The following RRP12 variants were observed in gnomAD, a reference collection of about 807,000 sequenced individuals.
RRP12 encodes ribosomal RNA processing 12 homolog.
In RRP12, 78 loss-of-function variants were observed where a neutral mutation model predicts 157.3. The ratio of observed to expected loss-of-function variants is 0.50; its 90% CI spans 0.41 to 0.60. The LOEUF (loss-of-function observed/expected upper bound fraction) is 0.60, where lower values mean the gene tolerates loss of function less well. Among genes scored for constraint, RRP12 ranks in the 20% least tolerant of loss-of-function variants. The pLI, the probability that RRP12 is intolerant of heterozygous loss-of-function variation, is 0.00. For missense variants in RRP12, 1,521 were observed against 1,679.9 expected, an observed-to-expected ratio of 0.91 and a Z score of 1.65; for synonymous variants, 726 against 670.9, an observed-to-expected ratio of 1.08 and a Z score of -1.27.
In RRP12 at chr10:97,390,552, C is replaced by G; in HGVS notation, c.637-13G>C. Reference sequence around the variant, plus strand: ...GGCAGGAAAGGACCTGGAAGAAAGTCAGAGTCCCTCAGTGCCACCAGCCTC... The same window carrying G: ...GGCAGGAAAGGACCTGGAAGAAAGTGAGAGTCCCTCAGTGCCACCAGCCTC... On this transcript the variant is annotated splice_polypyrimidine_tract_variant and intron_variant, in intron 5 of 33. Transcript: ENST00000370992. The G allele has an allele frequency of 6.3e-7, 1 of 1,592,680 alleles. No homozygotes were observed. The highest frequency in any genetic ancestry group is 8.6e-7 in the Non-Finnish European group (1 of 1,161,280).
chr10:97,389,205 T>C (rs1308110892), intron 6 of RRP12, among the ~76,000 whole-genome samples: 1 of 152,120 alleles, frequency 6.6e-6, no homozygotes, highest in African/African-American at 2.4e-5. Flanking sequence ...GCCATTCTCC[T>C]GCCTCCGCCT....
At chr10:97,375,147 G>A (rs941034289) in intron 15 of RRP12, among the ~76,000 whole-genome samples, 1 of 151,862 alleles carries the variant, frequency 6.6e-6, no homozygotes. Flanking sequence ...TTGTAGAGAC[G>A]GAGGTCTCAC....
chr10:97,397,603 A>G (rs1031523331), intron 2 of RRP12, among the ~76,000 whole-genome samples: 15 of 152,248 alleles, frequency 9.9e-5, no homozygotes, highest in African/African-American at 3.6e-4. Flanking sequence ...GAATGAGAAC[A>G]ACTATATATT....
At chr10:97,381,157 A>G (rs112533013) in intron 12 of RRP12, among the ~76,000 whole-genome samples, 4 of 152,388 alleles carry the variant, frequency 2.6e-5, no homozygotes, top group African/African-American at 7.2e-5. Context: ...ACCCAACTTC[A>G]GATGGGGAAA....
Position 97,366,516 on chromosome 10 carries a change from T to G in RRP12, c.3321A>C (p.Ala1107=). Residue 1107 remains alanine (A), a synonymous_variant, in exon 28 of 34, where the codon GCA becomes GCC. Transcript: ENST00000370992. The stretch of plus-strand genomic sequence containing the variant: ...CGTCCCCACCGCCCTCTTTCAGCCA[T>G]GCCCGGCTCCTCTGTCGTGCCAGCT... The part of the protein sequence containing the change: ...QRKLARQRSR[A]WLKEGGGDEP... 1 of 1,614,126 alleles carries G rather than the reference T, an allele frequency of 6.2e-7. No individual in the cohort carries two copies. The highest frequency in any genetic ancestry group is 8.5e-7 in the Non-Finnish European group (1 of 1,180,026).
At position 97,390,498 on chromosome 10, in the gene RRP12, C is replaced by A; in HGVS notation, c.678G>T (p.Leu226=). The change falls in exon 6 of 34, where the codon CTG becomes CTT. Residue 226 remains leucine (L), a synonymous_variant. Coordinates refer to ENST00000370992, the MANE Select transcript of RRP12 (RefSeq NM_015179.4). The part of the protein sequence containing the change: ...CLATLLRKQD[L]EAWGYPVTLQ... ...GGGTCACGGGGTAGCCCCAGGCCTC[C>A]AGGTCTTGCTTCCGCAGAAGGGTGG... 1.9e-6 allele frequency: 3 copies of A among 1,614,100 alleles called. No individual in the cohort carries two copies. Among genetic ancestry groups the A allele is most frequent in the Non-Finnish European group, 2.5e-6 (3 of 1,180,016 alleles).
At chr10:97,385,038 C>T in intron 10 of RRP12, 128 bp downstream of exon 10, 1 of 571,694 alleles carries the variant, frequency 1.7e-6, no homozygotes, top group Admixed American at 3.0e-5. Flanking sequence ...CCTAAGGACC[C>T]CCCCAACCTT....
chr10:97,380,513 G>A (rs1177789842), intron 13 of RRP12, among the ~76,000 whole-genome samples: 1 of 152,150 alleles, frequency 6.6e-6, no homozygotes, highest in Non-Finnish European at 1.5e-5. Flanking sequence ...AAATTTAAAA[G>A]ATAAGGGGTG....
intron 2 of RRP12, among the ~76,000 whole-genome samples, chr10:97,398,996 G>C (rs184771823): frequency 6.6e-6 from 1 of 152,048 alleles, no homozygotes; most frequent in Admixed American, 6.6e-5. Flanking sequence ...AATTTGGGCC[G>C]GGCGCAGTGG....
At chr10:97,391,062 A>G (rs1844790260) in intron 4 of RRP12, among the ~76,000 whole-genome samples, 1 of 151,990 alleles carries the variant, frequency 6.6e-6, no homozygotes, top group African/African-American at 2.4e-5. Context: ...ACCCACTCCT[A>G]AACTCAGGAC....
In RRP12 at chr10:97,375,257, T is replaced by A. The variant is rs934857722; in HGVS notation, c.1799-1363A>T. Among the ~76,000 whole-genome samples, 6 of 76,960 alleles carry A rather than the reference T, an allele frequency of 7.8e-5. No individual in the cohort carries two copies. The Admixed American group carries it at 9.3e-4, about 12-fold the overall frequency. 50.5% of individuals were successfully genotyped at this position (76,960 alleles called of 152,430 possible). A position where few individuals can be genotyped will look rare whatever the true frequency, so the allele number is the denominator to read the frequency against. The stretch of plus-strand genomic sequence containing the variant: ...TACAGGTGAGCCTACCACACCTGGC[T>A]AACTAAAAAAAAAAAAAAAAAATTT... On this transcript the variant is annotated intron_variant, in intron 15 of 33. Transcript: ENST00000370992.
intron 32 of RRP12, 63 bp from the exon 33 acceptor site, chr10:97,358,682 G>T: frequency 8.0e-7 from 1 of 1,250,650 alleles, no homozygotes; most frequent in Non-Finnish European, 1.2e-6. Context: ...CCCTGCCCTA[G>T]ACTTGACAGG....
chr10:97,356,968 C>A lies in RRP12; in HGVS notation c.*126G>T. On this transcript the variant is annotated 3_prime_UTR_variant, in exon 34 of 34. Coordinates refer to ENST00000370992, the MANE Select transcript of RRP12 (RefSeq NM_015179.4). ...ATCCAGGACTTCTGAGAGCCAAGCC[C>A]TAGTTCCAAGTCATCCTGAGTCCAG... 3 of 606,622 alleles carry A rather than the reference C, an allele frequency of 4.9e-6. No individual in the cohort carries two copies. The highest frequency in any genetic ancestry group is 8.8e-6 in the Non-Finnish European group (3 of 342,744). 37.6% of individuals were successfully genotyped at this position (606,622 alleles called of 1,614,324 possible).
At chr10:97,396,342 A>C in intron 2 of RRP12, 41 bp from the exon 3 acceptor site, 1 of 1,502,560 alleles carries the variant, frequency 6.7e-7, no homozygotes, top group Non-Finnish European at 9.3e-7. Context: ...TTTTAGACCT[A>C]ACCCCACCCC....
intron 24 of RRP12, 120 bp downstream of exon 24, chr10:97,370,047 G>A (rs556288187): frequency 1.1e-5 from 8 of 707,580 alleles, no homozygotes; most frequent in Non-Finnish European, 1.9e-5. Flanking sequence ...TGGGCTGGGT[G>A]TGGCTTTTCT....
Position 97,379,527 on chromosome 10 carries a change from C to G in RRP12, c.1676+101G>C, listed in dbSNP as rs1844404341. ...ACCTCCTCTGGCCCCTCCTGCTGAG[C>G]CCTGCACTGACACAGACTTTAGCCC... On this transcript the variant is annotated intron_variant, in intron 14 of 33. Coordinates refer to ENST00000370992, the MANE Select transcript of RRP12 (RefSeq NM_015179.4). 2.5e-6 allele frequency: 4 copies of G among 1,588,920 alleles called. No individual in the cohort carries two copies. The African/African-American group carries it at 5.4e-5, about 21-fold the overall frequency.
At chr10:97,390,707 G>A (rs750530239) in intron 5 of RRP12, 32 bp downstream of exon 5, 14 of 1,513,490 alleles carry the variant, frequency 9.3e-6, no homozygotes, top group East Asian at 4.5e-5. Context: ...TCTGGGAGTC[G>A]CCAGATGAGA....
At chr10:97,360,461 C>A (rs1277952200) in intron 31 of RRP12, 85 bp downstream of exon 31, 9 of 1,115,736 alleles carry the variant, frequency 8.1e-6, no homozygotes, top group Non-Finnish European at 1.2e-5. Flanking sequence ...ACCCTCATGG[C>A]CCTGCCACCC....
intron 31 of RRP12, 70 bp downstream of exon 31, chr10:97,360,476 C>G: frequency 7.7e-7 from 1 of 1,297,236 alleles, no homozygotes; most frequent in Non-Finnish European, 1.1e-6. Context: ...CCACCCCTTC[C>G]TGTGACTCCC....
Sources: gnomAD v4.1 joint callset for allele counts (sites outside exome capture counted in the v4.1 genomes callset) on GRCh38, gnomAD v4.1.1 for gene constraint, MANE v1.5 for transcripts, NCBI Gene and HGNC (gene_info 2026-07-23, HGNC 2026-07-21) for gene names.